RP1: variants seen among roughly 807,000 people sequenced by gnomAD.
RP1 encodes the protein oxygen-regulated protein 1.
RP1 carries 16 observed loss-of-function variants against 14.8 expected under a neutral mutation model. The observed-to-expected ratio is 1.08, with a 90% CI of 0.73 to 1.65. RP1 has a LOEUF of 1.65. RP1 is among the 40% of genes most tolerant of loss of function. RP1 has a pLI of 0.00. For synonymous variants in RP1, 876 were observed against 883.6 expected, an observed-to-expected ratio of 0.99 and a Z score of 0.15; for missense variants, 2,631 against 2,535.0, an observed-to-expected ratio of 1.04 and a Z score of -0.81.
At chr8:54,573,095 A>T (rs11787436) in intron 1 of RP1, among the ~76,000 whole-genome samples, 61,620 of 151,996 alleles carry the variant, frequency 0.41, 12,674 homozygotes, top group East Asian at 0.51. Flanking sequence ...TGCTCAATGT[A>T]TCATAATCCC....
chr8:54,755,795 A>C (rs1223651925), intron 21 of RP1: 1 of 1,430,426 alleles, frequency 7.0e-7, no homozygotes, highest in Non-Finnish European at 9.2e-7. Context: ...ATAATTTCCC[A>C]GATTCTTAAC....
intron 7 of RP1, among the ~76,000 whole-genome samples, chr8:54,672,893 A>G (rs917451908): frequency 3.3e-5 from 5 of 152,152 alleles, no homozygotes; most frequent in African/African-American, 1.2e-4. Flanking sequence ...ATTGATTATT[A>G]TAAATATCAT....
chr8:54,619,517 A>T (rs1181157174), intron 1 of RP1, among the ~76,000 whole-genome samples: 1 of 152,256 alleles, frequency 6.6e-6, no homozygotes, highest in Non-Finnish European at 1.5e-5. Context: ...AATGAAAACA[A>T]GGCCAGAACC....
intron 3 of RP1, among the ~76,000 whole-genome samples, chr8:54,640,631 G>C (rs1806435942): frequency 6.6e-6 from 1 of 152,114 alleles, no homozygotes; most frequent in African/African-American, 2.4e-5. Flanking sequence ...CTGGTGCTTA[G>C]ATTCAACATG....
At chr8:54,726,874 G>A (rs1434556690) in intron 17 of RP1, among the ~76,000 whole-genome samples, 1 of 151,538 alleles carries the variant, frequency 6.6e-6, no homozygotes, top group Non-Finnish European at 1.5e-5. Context: ...TTAAAAAAAA[G>A]TGCTCTCGGT....
intron 19 of RP1, among the ~76,000 whole-genome samples, chr8:54,745,951 C>G (rs1809214638): frequency 1.3e-5 from 2 of 152,088 alleles, no homozygotes; most frequent in South Asian, 4.1e-4. Flanking sequence ...GACGATGCTT[C>G]AGTCTGAAAG....
intron 24 of RP1, among the ~76,000 whole-genome samples, chr8:54,828,486 C>T (rs552300847): frequency 6.6e-6 from 1 of 152,240 alleles, no homozygotes; most frequent in South Asian, 2.1e-4. Context: ...CATGTGATCT[C>T]GGCAGGGCTC....
Position 54,794,354 on chromosome 8 carries a change from T to C in RP1, c.3615+10644T>C, listed in dbSNP as rs115192761. The stretch of plus-strand genomic sequence containing the variant: ...AACTAAAATAGTATTTTTATTTTAT[T>C]GGCATAAAAGTAGACACAAAGTCAA... On this transcript the variant is annotated intron_variant, in intron 24 of 28. Transcript: ENST00000637698. 3.1e-3 allele frequency among the ~76,000 whole-genome samples: 474 copies of C among 151,500 alleles called. 1 individual carries two copies. The highest frequency in any genetic ancestry group is 0.011 in the African/African-American group (450 of 41,472).
At chr8:54,768,754 A>G (rs1216057228) in intron 22 of RP1, among the ~76,000 whole-genome samples, 2 of 152,148 alleles carry the variant, frequency 1.3e-5, no homozygotes, top group Non-Finnish European at 2.9e-5. Flanking sequence ...TTCTGAGTCC[A>G]ATCTTGACCT....
rs1203071487 is a variant in RP1 at position 54,776,042 on chromosome 8, TAAC to T, written c.3451+5878_3451+5880del. 2.6e-5 allele frequency among the ~76,000 whole-genome samples: 4 copies of T among 152,192 alleles called. No individual in the cohort carries two copies. The East Asian group carries it at 5.8e-4, about 22-fold the overall frequency. ...AGAAAAAAACCCAAACAATAAAAAA[TAAC>T]AATATAACAACAGAAAGTAATACAC... is the stretch of plus-strand genomic sequence containing the variant. On this transcript the variant is annotated intron_variant, in intron 23 of 28. Coordinates refer to the RP1 transcript ENST00000637698.
chr8:54,704,928 T>C (rs1231190649), intron 14 of RP1, among the ~76,000 whole-genome samples: 2 of 152,228 alleles, frequency 1.3e-5, no homozygotes, highest in Non-Finnish European at 2.9e-5. Context: ...CTGTAATATA[T>C]ACTTTGACAT....
At chr8:54,859,951 G>A (rs1309622158) in intron 27 of RP1, among the ~76,000 whole-genome samples, 1 of 152,140 alleles carries the variant, frequency 6.6e-6, no homozygotes. Flanking sequence ...TGTGACATGG[G>A]ATGGAAACAA....
chr8:54,841,627 G>A (rs547472548), intron 25 of RP1, among the ~76,000 whole-genome samples: 6 of 152,344 alleles, frequency 3.9e-5, no homozygotes, highest in African/African-American at 1.4e-4. Flanking sequence ...ACTGCCAAAT[G>A]CAGCTTGTTT....
intron 24 of RP1, among the ~76,000 whole-genome samples, chr8:54,796,989 A>G (rs1810591992): frequency 6.6e-6 from 1 of 152,176 alleles, no homozygotes; most frequent in African/African-American, 2.4e-5. Flanking sequence ...GGGTGAAGAG[A>G]AATGGTGGTT....
intron 1 of RP1, among the ~76,000 whole-genome samples, chr8:54,568,915 A>C (rs973924407): frequency 2.0e-5 from 3 of 152,236 alleles, no homozygotes; most frequent in African/African-American, 7.2e-5. Flanking sequence ...TAAGTTATTT[A>C]ACATTGCTAA....
intron 24 of RP1, among the ~76,000 whole-genome samples, chr8:54,821,518 T>C (rs1480259573): frequency 6.6e-6 from 1 of 152,220 alleles, no homozygotes; most frequent in Non-Finnish European, 1.5e-5. Flanking sequence ...CAGAGGCCAA[T>C]TTAGTACTTT....
At chr8:54,671,376 C>T (rs1490277754) in intron 7 of RP1, among the ~76,000 whole-genome samples, 1 of 152,080 alleles carries the variant, frequency 6.6e-6, no homozygotes, top group African/African-American at 2.4e-5. Flanking sequence ...TTTCACTCCT[C>T]AGATTTTAGA....
chr8:54,664,657 T>C (rs1201261302), intron 7 of RP1, among the ~76,000 whole-genome samples: 2 of 152,210 alleles, frequency 1.3e-5, no homozygotes, highest in African/African-American at 4.8e-5. Context: ...ACATCTTTCA[T>C]ATGCTTATTG....
chr8:54,739,699 C>T (rs987211548), intron 19 of RP1, among the ~76,000 whole-genome samples: 2 of 150,818 alleles, frequency 1.3e-5, no homozygotes, highest in Non-Finnish European at 3.0e-5. Context: ...TTCTGTCTCT[C>T]GGTATAGATA....
Sources: gnomAD v4.1 joint callset for allele counts (sites outside exome capture counted in the v4.1 genomes callset) on GRCh38, gnomAD v4.1.1 for gene constraint, MANE v1.5 for transcripts, NCBI Gene and HGNC (gene_info 2026-07-23, HGNC 2026-07-21) for gene names.